PCDH15: variants seen among roughly 807,000 people sequenced by gnomAD.
PCDH15 encodes the protein protocadherin related 15.
In PCDH15, 129 loss-of-function variants were observed where a neutral mutation model predicts 178.5. That is an observed-to-expected ratio of 0.72 (90% CI 0.63 to 0.84). The LOEUF (loss-of-function observed/expected upper bound fraction) is 0.84. PCDH15 is among the 40% of genes least tolerant of loss of function. The pLI, the probability that PCDH15 is intolerant of heterozygous loss-of-function variation, is 0.00. For synonymous variants in PCDH15, 800 were observed against 732.0 expected (o/e 1.09, Z -1.50); for missense variants, 2,230 against 2,099.9 (o/e 1.06, Z -1.21).
At chr10:54,940,734 CTT>C (rs1564648424) in intron 2 of PCDH15, among the ~76,000 whole-genome samples, 6 of 151,604 alleles carry the variant, frequency 4.0e-5, no homozygotes, top group African/African-American at 2.4e-5. Flanking sequence ...GTTTGTAACT[CTT>C]ATATCTTTGT....
intron 3 of PCDH15, among the ~76,000 whole-genome samples, chr10:54,836,777 G>A (rs1158692206): frequency 1.3e-5 from 2 of 152,048 alleles, no homozygotes; most frequent in Non-Finnish European, 2.9e-5. Flanking sequence ...TTATACCATT[G>A]CAGAACTAAT....
At chr10:54,524,281 T>C (rs949137275) in intron 3 of PCDH15, among the ~76,000 whole-genome samples, 1 of 152,128 alleles carries the variant, frequency 6.6e-6, no homozygotes, top group Non-Finnish European at 1.5e-5. Context: ...TCCTTCAGGG[T>C]GGGTTTTCTA....
intron 2 of PCDH15, among the ~76,000 whole-genome samples, chr10:54,629,355 T>C (rs932258305): frequency 6.6e-6 from 1 of 152,134 alleles, no homozygotes; most frequent in African/African-American, 2.4e-5. Context: ...AGCAAAATGT[T>C]ATTTGACAGA....
At chr10:54,363,997 G>C (rs900247758) in intron 5 of PCDH15, among the ~76,000 whole-genome samples, 1 of 152,086 alleles carries the variant, frequency 6.6e-6, no homozygotes, top group Non-Finnish European at 1.5e-5. Flanking sequence ...CGGATCACCT[G>C]AGGTCAGGAG....
At chr10:55,034,615 C>A (rs1040582870) in intron 2 of PCDH15, among the ~76,000 whole-genome samples, 5 of 152,014 alleles carry the variant, frequency 3.3e-5, no homozygotes, top group African/African-American at 1.2e-4. Context: ...TAGATCAATT[C>A]CTGTTGGCAC....
At chr10:54,117,938 G>A (rs979660886) in intron 15 of PCDH15, among the ~76,000 whole-genome samples, 2 of 152,176 alleles carry the variant, frequency 1.3e-5, no homozygotes, top group Non-Finnish European at 2.9e-5. Flanking sequence ...AGGCCCAAAA[G>A]CAGCACCCTA....
intron 9 of PCDH15, among the ~76,000 whole-genome samples, chr10:54,231,365 G>T (rs976216551): frequency 6.6e-6 from 1 of 152,238 alleles, no homozygotes; most frequent in Non-Finnish European, 1.5e-5. Context: ...AATGGTTGAG[G>T]CTTGGAAGCC....
At chr10:54,831,869 C>A (rs1057141038) in intron 3 of PCDH15, among the ~76,000 whole-genome samples, 5 of 152,050 alleles carry the variant, frequency 3.3e-5, no homozygotes, top group African/African-American at 1.2e-4. Context: ...CTTTACTAAA[C>A]AGCCTCAAAT....
intron 29 of PCDH15, among the ~76,000 whole-genome samples, chr10:53,837,112 G>A (rs2077353773): frequency 6.6e-6 from 1 of 151,360 alleles, no homozygotes; most frequent in South Asian, 2.1e-4. Flanking sequence ...GCGGGGGAGG[G>A]GAGCAGAGTC....
chr10:53,839,663 T>C (rs2077522159), intron 29 of PCDH15, among the ~76,000 whole-genome samples: 1 of 124,748 alleles, frequency 8.0e-6, no homozygotes, highest in Admixed American at 8.2e-5. Flanking sequence ...GTAAAGAAAA[T>C]TCTGTTAACA....
intron 8 of PCDH15, among the ~76,000 whole-genome samples, chr10:54,312,015 A>G (rs1406071866): frequency 6.6e-6 from 1 of 152,120 alleles, no homozygotes; most frequent in Non-Finnish European, 1.5e-5. Context: ...TCACATCAAC[A>G]TAGGTGAACA....
At chr10:55,102,532 A>G (rs886675109) in intron 2 of PCDH15, among the ~76,000 whole-genome samples, 1 of 152,170 alleles carries the variant, frequency 6.6e-6, no homozygotes, top group African/African-American at 2.4e-5. Flanking sequence ...AAAAGACTAT[A>G]ACAAATGTTA....
chr10:53,857,236 G>T lies in PCDH15; in HGVS notation c.3745C>A (p.Gln1249Lys). The T allele has an allele frequency of 2.5e-6, 4 of 1,611,380 alleles. No individual in the cohort carries two copies. The highest frequency in any genetic ancestry group is 3.4e-6 in the Non-Finnish European group (4 of 1,178,118). ...GGAGGCACATTGGAAACAATGACTT[G>T]CATATCCAGCTGATTGACCACGGAG... ...LVSVVNQLDM[Q>K]VIVSNVPPTL... is the part of the protein sequence containing the mutation. The change falls in exon 28 of 38, where the codon CAA becomes AAA. Residue 1249 changes from glutamine to lysine, a missense_variant. Gln to Lys is a moderately conservative substitution (Grantham distance 53). Coordinates refer to ENST00000644397, the MANE Select transcript of PCDH15 (RefSeq NM_001384140.1).
chr10:54,356,684 A>G (rs1416941848), intron 5 of PCDH15, among the ~76,000 whole-genome samples: 1 of 150,794 alleles, frequency 6.6e-6, no homozygotes, highest in African/African-American at 2.4e-5. Context: ...AAGGTCATCA[A>G]AAACAAAAAA....
chr10:55,517,613 G>A (rs1482224394), intron 2 of PCDH15, among the ~76,000 whole-genome samples: 3 of 152,068 alleles, frequency 2.0e-5, no homozygotes, highest in Non-Finnish European at 2.9e-5. Context: ...AACTAAACAT[G>A]CAACTATCAT....
Position 55,409,720 on chromosome 10 carries a change from A to T in PCDH15, c.-156+217905T>A, listed in dbSNP as rs538411001. Among the ~76,000 whole-genome samples the T allele has an allele frequency of 5.6e-4, 86 of 152,294 alleles. 3 individuals carry two copies. In the South Asian group the frequency reaches 0.017, roughly 31 times the overall value. ...AATAGCAGTTACAGAAAGTAAAAAC[A>T]TACACAGCTCTGTGTATTTAGCAAA... is the stretch of plus-strand genomic sequence containing the variant. On this transcript the variant is annotated intron_variant, in intron 2 of 5. Transcript: ENST00000613346.
chr10:54,565,930 C>T (rs2088959304), intron 2 of PCDH15, among the ~76,000 whole-genome samples: 1 of 151,838 alleles, frequency 6.6e-6, no homozygotes, highest in South Asian at 2.1e-4. Context: ...ACTAAAAGTA[C>T]AAAATTAGCC....
At chr10:54,923,893 C>G (rs909568485) in intron 2 of PCDH15, among the ~76,000 whole-genome samples, 1 of 138,026 alleles carries the variant, frequency 7.2e-6, no homozygotes, top group South Asian at 2.3e-4. Context: ...CACCATTACC[C>G]AGTTCAAAAG....
intron 1 of PCDH15, among the ~76,000 whole-genome samples, chr10:54,728,396 G>A (rs866538531): frequency 2.0e-5 from 3 of 151,164 alleles, no homozygotes; most frequent in African/African-American, 7.3e-5. Context: ...GTCCCTTTAT[G>A]GTACACATCC....
Sources: allele counts gnomAD v4.1 joint callset (sites outside exome capture counted in the v4.1 genomes callset), GRCh38; gene constraint gnomAD v4.1.1; transcripts MANE v1.5; gene names NCBI Gene and HGNC (gene_info 2026-07-23, HGNC 2026-07-21).